The following TTC27 variants were observed in gnomAD, a reference collection of about 807,000 sequenced individuals.
The protein encoded by TTC27 is tetratricopeptide repeat domain 27.
A neutral mutation model predicts 115.9 loss-of-function variants in TTC27; 79 were observed. The ratio of observed to expected loss-of-function variants is 0.68; its 90% CI spans 0.57 to 0.82. The LOEUF is 0.82. TTC27 is among the 40% of genes least tolerant of loss of function. The probability of loss-of-function intolerance (pLI) is 0.00; values close to 1 mark genes in which losing one functional copy is unlikely to be tolerated. For synonymous variants in TTC27, 401 were observed against 356.0 expected (o/e 1.13, Z -1.42); for missense variants, 1,054 against 993.1 (o/e 1.06, Z -0.82).
chr2:32,802,029 G>T (rs978225044), intron 16 of TTC27, among the ~76,000 whole-genome samples: 1 of 152,010 alleles, frequency 6.6e-6, no homozygotes, highest in Admixed American at 6.6e-5. Context: ...GACATACCCT[G>T]AAAGAATTTG....
chr2:32,709,230 T>G (rs1484874332), intron 10 of TTC27, among the ~76,000 whole-genome samples: 1 of 152,208 alleles, frequency 6.6e-6, no homozygotes, highest in Non-Finnish European at 1.5e-5. Flanking sequence ...TTAATACCCC[T>G]TAACTGTGAG....
Position 32,733,858 on chromosome 2 carries a change from A to G in TTC27, c.1264A>G (p.Thr422Ala), listed in dbSNP as rs1326206119. 6 of 1,611,480 alleles carry G rather than the reference A, an allele frequency of 3.7e-6. No homozygotes were observed. In the African/African-American group the frequency reaches 8.0e-5, roughly 22 times the overall value. ...TGCAGACCAATTTGAAGATAAAACT[A>G]CATCTGTATTGGAACGCCTGAAGAT... ...ALADQFEDKT[T>A]SVLERLKIFY... is the part of the protein sequence containing the mutation. Residue 422 changes from threonine (T) to alanine (A), a missense_variant, in exon 11 of 20, where the codon ACA (threonine) becomes GCA (alanine). By Grantham distance (58) the Thr-to-Ala change is moderately conservative. Transcript: ENST00000317907.
intron 5 of TTC27, among the ~76,000 whole-genome samples, chr2:32,663,835 C>A (rs531727376): frequency 6.6e-6 from 1 of 152,224 alleles, no homozygotes; most frequent in East Asian, 1.9e-4. Context: ...CAGGCGCATG[C>A]CACTATGCCC....
rs371092494 is a variant in TTC27 at position 32,790,785 on chromosome 2, A to G, written c.1998+3636A>G. Among the ~76,000 whole-genome samples, 29 of 150,386 alleles carry G rather than the reference A, an allele frequency of 1.9e-4. No individual in the cohort carries two copies. The East Asian group carries it at 5.5e-3, about 29-fold the overall frequency. On this transcript the variant is annotated intron_variant, in intron 16 of 19. Coordinates refer to ENST00000317907, the MANE Select transcript of TTC27 (RefSeq NM_017735.5). The stretch of plus-strand genomic sequence containing the variant: ...TTCTGTATAGTTTGTTATTAGTATT[A>G]TAGATGTGCTACTGATGTTTGTATG...
At chr2:32,642,010 G>A (rs1253439711) in intron 4 of TTC27, among the ~76,000 whole-genome samples, 2 of 151,134 alleles carry the variant, frequency 1.3e-5, no homozygotes, top group East Asian at 2.0e-4. Context: ...CGGCTGCCAC[G>A]ATGCATGGCT....
chr2:32,648,987 G>A (rs1664975949), intron 4 of TTC27, among the ~76,000 whole-genome samples: 1 of 152,012 alleles, frequency 6.6e-6, no homozygotes, highest in Non-Finnish European at 1.5e-5. Context: ...ACTCCAGCCT[G>A]GGCGACAGAG....
At chr2:32,757,504 C>T (rs772104969) in intron 12 of TTC27, among the ~76,000 whole-genome samples, 9 of 152,146 alleles carry the variant, frequency 5.9e-5, no homozygotes, top group Non-Finnish European at 8.8e-5. Context: ...ACAGATACGG[C>T]GCCTTTTACA....
intron 10 of TTC27, among the ~76,000 whole-genome samples, chr2:32,708,301 C>CTTGTTTTTTTTTTTTGTTTTTT (rs1559215859): frequency 1.2e-5 from 1 of 80,260 alleles, no homozygotes; most frequent in African/African-American, 5.4e-5. Context: ...TTTTCTCTAC[C>CTTGTTTTTTTTTTTTGTTTTTT]TTGTTTTTTT....
chr2:32,648,768 T>C (rs955253935), intron 4 of TTC27, among the ~76,000 whole-genome samples: 1 of 152,134 alleles, frequency 6.6e-6, no homozygotes, highest in African/African-American at 2.4e-5. Context: ...CCCAGCACTT[T>C]GGGAGGCCAA....
At chr2:32,767,683 G>A (rs899943130) in intron 13 of TTC27, among the ~76,000 whole-genome samples, 1 of 150,932 alleles carries the variant, frequency 6.6e-6, no homozygotes, top group Non-Finnish European at 1.5e-5. Context: ...GGATGGTCTC[G>A]ATCTCCTGAC....
chr2:32,760,242 G>A (rs17445317), intron 13 of TTC27, among the ~76,000 whole-genome samples: 1,675 of 152,366 alleles, frequency 0.011, 20 homozygotes, highest in Non-Finnish European at 0.018. Context: ...TAGGACAGGT[G>A]TAAGTACAGA....
rs1241823875 is a variant in TTC27, at chr2:32,630,654, G to T, written c.220G>T (p.Val74Leu). The T allele has an allele frequency of 6.2e-7, 1 of 1,613,396 alleles. No homozygotes were observed. Among genetic ancestry groups the T allele is most frequent in the Admixed American group, 1.7e-5 (1 of 59,778 alleles). ...GATTGATAGCTACCTGGAGAAGCAG[G>T]TAGTAACATTCCTGGATTACTCAAC... ...EKIDSYLEKQ[V>L]VTFLDYSTDL... The change falls in exon 2 of 20, where the codon GTA (valine) becomes TTA (leucine). Residue 74 changes from valine to leucine, a missense_variant. Transcript: ENST00000317907.
intron 16 of TTC27, among the ~76,000 whole-genome samples, chr2:32,804,506 A>C (rs552062558): frequency 7.2e-5 from 11 of 152,338 alleles, no homozygotes; most frequent in African/African-American, 2.6e-4. Flanking sequence ...ATGGTCTATC[A>C]GTCCAGTGGA....
intron 13 of TTC27, among the ~76,000 whole-genome samples, chr2:32,762,288 T>TGTGTGTGTGC: frequency 1.6e-5 from 1 of 61,206 alleles, no homozygotes; most frequent in African/African-American, 5.5e-5. Context: ...TGTGTGTGTG[T>TGTGTGTGTGC]GTGTGTGTGT....
intron 5 of TTC27, among the ~76,000 whole-genome samples, chr2:32,651,479 T>G (rs2151870491): frequency 6.6e-6 from 1 of 152,306 alleles, no homozygotes; most frequent in Middle Eastern, 3.4e-3. Flanking sequence ...CCTGAGTAGC[T>G]GGGATTACAG....
chr2:32,736,010 C>G lies in TTC27; in HGVS notation c.1330-684C>G, dbSNP rs80100303. Among the ~76,000 whole-genome samples the G allele has an allele frequency of 8.3e-3, 1,261 of 152,254 alleles. 14 individuals carry two copies. Among genetic ancestry groups the G allele is most frequent in the African/African-American group, 0.03 (1,228 of 41,562 alleles). ...ATACTTAAGAGAGAACAACACAGCT[C>G]TCTCTAATATGAAACTACACTTTAT... On this transcript the variant is annotated intron_variant, in intron 11 of 19. Coordinates refer to ENST00000317907, the MANE Select transcript of TTC27 (RefSeq NM_017735.5).
chr2:32,719,453 C>A (rs1667854535), intron 10 of TTC27, among the ~76,000 whole-genome samples: 1 of 152,118 alleles, frequency 6.6e-6, no homozygotes, highest in South Asian at 2.1e-4. Context: ...TAACACAGGG[C>A]CTCCTTTTAT....
chr2:32,651,403 A>G lies in TTC27; in HGVS notation c.640+1170A>G, dbSNP rs190183913. Among the ~76,000 whole-genome samples the G allele has an allele frequency of 3.2e-3, 489 of 152,178 alleles. 1 individual carries two copies. The highest frequency in any genetic ancestry group is 0.01 in the African/African-American group (433 of 41,524). ...ACTCTGTCATCCAGGCTGGAGTGCA[A>G]TGGCGCAATCTCGGCTCACTGCAAC... On this transcript the variant is annotated intron_variant, in intron 5 of 19. Transcript: ENST00000317907.
intron 13 of TTC27, among the ~76,000 whole-genome samples, chr2:32,765,783 ATGTT>A: frequency 6.6e-6 from 1 of 152,210 alleles, no homozygotes; most frequent in Non-Finnish European, 1.5e-5. Flanking sequence ...GTGCACTTTT[ATGTT>A]ATGGGGATGG....
Sources: allele counts gnomAD v4.1 joint callset (sites outside exome capture counted in the v4.1 genomes callset), GRCh38; gene constraint gnomAD v4.1.1; transcripts MANE v1.5; gene names NCBI Gene and HGNC (gene_info 2026-07-23, HGNC 2026-07-21).